SGF29: variants seen among roughly 807,000 people sequenced by gnomAD.
The protein encoded by SGF29 is SAGA-associated factor 29.
Under a neutral mutation model 38.1 loss-of-function variants are expected in SGF29, and 15 were observed. The ratio of observed to expected loss-of-function variants is 0.39; its 90% CI spans 0.26 to 0.61. The LOEUF (loss-of-function observed/expected upper bound fraction) is 0.61. SGF29 is among the 20% of genes least tolerant of loss of function. SGF29 has a pLI of 0.49. For synonymous variants in SGF29, 151 were observed against 160.8 expected (o/e 0.94, Z 0.46); for missense variants, 184 against 394.6 (o/e 0.47, Z 4.52).
intron 1 of SGF29, among the ~76,000 whole-genome samples, chr16:28,564,075 A>G (rs2046805988): frequency 6.6e-6 from 1 of 152,072 alleles, no homozygotes; most frequent in Non-Finnish European, 1.5e-5. Flanking sequence ...GAACAACCAC[A>G]TGAGACAGTG....
intron 4 of SGF29, among the ~76,000 whole-genome samples, chr16:28,587,481 T>A (rs918246824): frequency 2.0e-5 from 3 of 152,252 alleles, no homozygotes; most frequent in Admixed American, 6.5e-5. Flanking sequence ...GAGGTGGCAC[T>A]GGCTGGGCCA....
chr16:28,560,141 G>A (rs1386998112), intron 1 of SGF29, among the ~76,000 whole-genome samples: 1 of 151,698 alleles, frequency 6.6e-6, no homozygotes, highest in Non-Finnish European at 1.5e-5. Flanking sequence ...TAAGGCACAA[G>A]AATTGTTTGA....
intron 1 of SGF29, among the ~76,000 whole-genome samples, chr16:28,558,360 C>T (rs540674759): frequency 2.0e-5 from 3 of 152,024 alleles, no homozygotes; most frequent in East Asian, 1.9e-4. Context: ...ATGATCCACC[C>T]GCCTTGGCCT....
intron 1 of SGF29, among the ~76,000 whole-genome samples, chr16:28,576,256 G>A (rs2046892802): frequency 6.6e-6 from 1 of 152,156 alleles, no homozygotes; most frequent in Non-Finnish European, 1.5e-5. Context: ...ACTGGGCGGG[G>A]AGGGTAGGAG....
chr16:28,556,200 C>T (rs555471854), intron 1 of SGF29, among the ~76,000 whole-genome samples: 4 of 152,202 alleles, frequency 2.6e-5, no homozygotes, highest in Admixed American at 2.0e-4. Flanking sequence ...GATGGAGTCT[C>T]GCTCTGTCAC....
intron 1 of SGF29, among the ~76,000 whole-genome samples, chr16:28,554,432 G>A (rs1358298720): frequency 6.6e-6 from 1 of 152,194 alleles, no homozygotes; most frequent in East Asian, 1.9e-4. Flanking sequence ...ACGAAGATGC[G>A]GACAGAGGAT....
chr16:28,587,001 C>A (rs929709763), intron 4 of SGF29, among the ~76,000 whole-genome samples: 2 of 152,116 alleles, frequency 1.3e-5, no homozygotes, highest in South Asian at 2.1e-4. Context: ...GCACCTGCCA[C>A]CACTCCACCT....
At chr16:28,568,604 G>A (rs1035060794) in intron 1 of SGF29, among the ~76,000 whole-genome samples, 1 of 150,350 alleles carries the variant, frequency 6.7e-6, no homozygotes, top group Non-Finnish European at 1.5e-5. Context: ...GTTGGGGGGG[G>A]CTCACATTCT....
rs755506397 is a variant in SGF29 at position 28,590,791 on chromosome 16, G to T, written c.621G>T (p.Arg207=). Residue 207 remains arginine (R), a synonymous_variant, in exon 9 of 10, where the codon CGG becomes CGT. Coordinates refer to ENST00000317058, the MANE Select transcript of SGF29 (RefSeq NM_138414.3). The surrounding 1 kb of genome is among the most constrained non-coding windows in gnomAD (Gnocchi z 8.2). ...EEGKERHTLS[R]RRVIPLPQWK... ...CCCCCAGGAGACACACCCTGAGCCG[G>T]CGCCGTGTCATCCCGCTGCCCCAGT... 2.5e-6 allele frequency: 4 copies of T among 1,614,000 alleles called. No individual in the cohort carries two copies. The East Asian group carries it at 6.7e-5, about 27-fold the overall frequency.
chr16:28,583,073 A>G (rs2046935795), intron 2 of SGF29, among the ~76,000 whole-genome samples: 1 of 152,238 alleles, frequency 6.6e-6, no homozygotes, highest in Non-Finnish European at 1.5e-5. Context: ...CCAGACTCCC[A>G]TCTCACCCGT....
chr16:28,582,445 C>T (rs1447456512), intron 2 of SGF29, among the ~76,000 whole-genome samples: 7 of 152,124 alleles, frequency 4.6e-5, no homozygotes, highest in African/African-American at 1.7e-4. Context: ...AGTAAACCAT[C>T]ATGGGGATGG....
At chr16:28,565,935 T>C (rs1425827963) in intron 1 of SGF29, among the ~76,000 whole-genome samples, 1 of 152,018 alleles carries the variant, frequency 6.6e-6, no homozygotes, top group Non-Finnish European at 1.5e-5. Context: ...GACAAATATA[T>C]ACAAAGAAGA....
chr16:28,582,762 G>A (rs1459393300), intron 2 of SGF29, among the ~76,000 whole-genome samples: 1 of 152,016 alleles, frequency 6.6e-6, no homozygotes, highest in Non-Finnish European at 1.5e-5. Flanking sequence ...TGGCCAAATG[G>A]CGAAACTCCA....
chr16:28,563,418 C>T (rs909015171), intron 1 of SGF29, among the ~76,000 whole-genome samples: 2 of 152,128 alleles, frequency 1.3e-5, no homozygotes, highest in African/African-American at 2.4e-5. Context: ...TAGGCACTAC[C>T]CAGTAGGCAC....
Position 28,586,359 on chromosome 16 carries a change from C to T in SGF29, c.224+639C>T, listed in dbSNP as rs535924370. Among the ~76,000 whole-genome samples the T allele has an allele frequency of 4.6e-5, 7 of 152,034 alleles. No homozygotes were observed. The South Asian group carries it at 8.3e-4, about 18-fold the overall frequency. On this transcript the variant is annotated intron_variant, in intron 4 of 9. Transcript: ENST00000317058. Reference sequence around the variant, plus strand: ...TTTGAGACCAGCCTGGCTAGCATAGCGAAACCCTATATCTACTAAAAATAC... The same window carrying T: ...TTTGAGACCAGCCTGGCTAGCATAGTGAAACCCTATATCTACTAAAAATAC...
intron 1 of SGF29, among the ~76,000 whole-genome samples, chr16:28,557,215 A>G (rs113588353): frequency 1.3e-5 from 2 of 152,350 alleles, no homozygotes; most frequent in East Asian, 1.9e-4. Flanking sequence ...AGAATTGGCT[A>G]TCTCTTCAGA....
At chr16:28,588,980 A>C in intron 4 of SGF29, 120 bp from the exon 5 acceptor site, 1 of 999,374 alleles carries the variant, frequency 1.0e-6, no homozygotes, top group Non-Finnish European at 1.6e-6. Flanking sequence ...TACTGTGAGA[A>C]CCTCTGGAGT....
chr16:28,583,161 G>A (rs537127054), intron 2 of SGF29, among the ~76,000 whole-genome samples: 4 of 152,364 alleles, frequency 2.6e-5, no homozygotes, highest in African/African-American at 9.6e-5. Flanking sequence ...TGACCTAAGA[G>A]ATGGCATTCT....
At chr16:28,586,008 G>A (rs934574011) in intron 4 of SGF29, among the ~76,000 whole-genome samples, 1 of 152,236 alleles carries the variant, frequency 6.6e-6, no homozygotes, top group Admixed American at 6.5e-5. Context: ...CAGGGGCTGG[G>A]TAGCTCAGAT....
Sources: allele counts gnomAD v4.1 joint callset (sites outside exome capture counted in the v4.1 genomes callset), GRCh38; gene constraint gnomAD v4.1.1; non-coding constraint Gnocchi (gnomAD v3.1); transcripts MANE v1.5; gene names NCBI Gene and HGNC (gene_info 2026-07-23, HGNC 2026-07-21).